The following IARS1 variants were observed in gnomAD, a reference collection of about 807,000 sequenced individuals.
IARS1 encodes the protein isoleucine--tRNA ligase, cytoplasmic.
Under a neutral mutation model 168.2 loss-of-function variants are expected in IARS1, and 124 were observed. That is an observed-to-expected ratio of 0.74 (90% confidence interval 0.64 to 0.86). IARS1 has a LOEUF of 0.86. IARS1 is among the 40% of genes least tolerant of loss of function. The pLI, the probability that IARS1 is intolerant of heterozygous loss-of-function variation, is 0.00. For missense variants in IARS1, 1,452 were observed against 1,515.8 expected, an observed-to-expected ratio of 0.96 and a Z score of 0.70; for synonymous variants, 532 against 529.4, an observed-to-expected ratio of 1.00 and a Z score of -0.07.
At chr9:92,237,318 G>C (rs1827688811) in intron 30 of IARS1, among the ~76,000 whole-genome samples, 1 of 152,020 alleles carries the variant, frequency 6.6e-6, no homozygotes, top group Non-Finnish European at 1.5e-5. Context: ...AAAGCATGTT[G>C]TTTATTTTTA....
chr9:92,288,397 G>A, intron 2 of IARS1, 115 bp from the exon 3 acceptor site: 1 of 830,682 alleles, frequency 1.2e-6, no homozygotes, highest in Non-Finnish European at 2.0e-6. Flanking sequence ...AGCAAGATCA[G>A]GAAACCGACA....
intron 14 of IARS1, among the ~76,000 whole-genome samples, chr9:92,267,459 G>A (rs746078997): frequency 3.3e-5 from 5 of 152,140 alleles, no homozygotes; most frequent in African/African-American, 1.2e-4. Flanking sequence ...GTAAGTCCTC[G>A]CCTGATGTCA....
At chr9:92,215,115 C>T (rs938391516) in intron 33 of IARS1, among the ~76,000 whole-genome samples, 2 of 152,234 alleles carry the variant, frequency 1.3e-5, no homozygotes, top group African/African-American at 4.8e-5. Flanking sequence ...TCCCTGACCC[C>T]TGACCCCCGA....
intron 33 of IARS1, among the ~76,000 whole-genome samples, 197 bp from the exon 34 acceptor site, chr9:92,211,086 T>C (rs1205625031): frequency 6.6e-6 from 1 of 152,220 alleles, no homozygotes; most frequent in African/African-American, 2.4e-5. Context: ...ATGGTGGGTA[T>C]GTTCACCAAA....
chr9:92,285,671 G>C (rs1386317977), intron 6 of IARS1, 51 bp downstream of exon 6: 11 of 1,141,022 alleles, frequency 9.6e-6, no homozygotes, highest in African/African-American at 1.5e-5. Context: ...TAACTACTCA[G>C]CTTCCACCTA....
Position 92,242,150 on chromosome 9 carries a change from T to C in IARS1, c.3177+4A>G, listed in dbSNP as rs1246447452. ...GTAGTAGTTCAGTGGAACTCAGGAC[T>C]CACCTGTGTTTTTTCTTGAATAAGG... On this transcript the variant is annotated splice_donor_region_variant and intron_variant, in intron 29 of 33. Transcript: ENST00000443024. 1 of 1,610,348 alleles carries C rather than the reference T, an allele frequency of 6.2e-7. No individual in the cohort carries two copies. The highest frequency in any genetic ancestry group is 1.7e-5 in the Admixed American group (1 of 59,892).
chr9:92,243,246 G>A lies in IARS1; in HGVS notation c.2970C>T (p.Val990=). The A allele has an allele frequency of 1.2e-6, 2 of 1,613,568 alleles. No individual in the cohort carries two copies. The highest frequency in any genetic ancestry group is 1.1e-5 in the South Asian group (1 of 91,018). Residue 990 remains valine (V), a synonymous_variant, in exon 28 of 34, where the codon GTC becomes GTT. Transcript: ENST00000443024. ...SMVDEGMARE[V]INRIQKLRKK... ...TGCGAAGTTTCTGTATGCGATTGAT[G>A]ACTTCCCGAGCCATTCCTTCATCTA...
rs188479185 is a variant in IARS1 at position 92,255,737 on chromosome 9, C to T, written c.2137+943G>A. ...TTATGTAAATCGTCTCTACTTAAGCCTTACAAACACTACTGGGCATTCTGC... is the reference window on the plus strand; with the variant it reads ...TTATGTAAATCGTCTCTACTTAAGCTTTACAAACACTACTGGGCATTCTGC... On this transcript the variant is annotated intron_variant, in intron 20 of 33. Coordinates refer to ENST00000443024, the MANE Select transcript of IARS1 (RefSeq NM_002161.6). 3.4e-3 allele frequency among the ~76,000 whole-genome samples: 511 copies of T among 152,222 alleles called. 2 individuals are homozygous for T. The highest frequency in any genetic ancestry group is 5.1e-3 in the Non-Finnish European group (347 of 68,012).
At chr9:92,240,557 G>GC in intron 30 of IARS1, 2 of 639,604 alleles carry the variant, frequency 3.1e-6, no homozygotes. Context: ...ACCATGCCTG[G>GC]CCCTTTTTTT....
chr9:92,290,179 A>G (rs985353841), intron 1 of IARS1, among the ~76,000 whole-genome samples: 13 of 152,186 alleles, frequency 8.5e-5, no homozygotes, highest in Admixed American at 6.5e-5. Flanking sequence ...CTCAGCAGTG[A>G]ATGAGGATTC....
At chr9:92,250,690 G>A (rs766525613) in intron 23 of IARS1, 23 bp downstream of exon 23, 1 of 1,581,276 alleles carries the variant, frequency 6.3e-7, no homozygotes, top group Non-Finnish European at 8.6e-7. Flanking sequence ...CACAGGTGAG[G>A]CTTATTTCTA....
chr9:92,273,385 T>C lies in IARS1; in HGVS notation c.990+1041A>G, dbSNP rs537550543. Among the ~76,000 whole-genome samples, 39 of 152,254 alleles carry C rather than the reference T, an allele frequency of 2.6e-4. No individual in the cohort carries two copies. The South Asian group carries it at 7.9e-3, about 31-fold the overall frequency. On this transcript the variant is annotated intron_variant, in intron 10 of 33. Transcript: ENST00000443024. The stretch of plus-strand genomic sequence containing the variant: ...TTTATACTGAAAATAAAAGTCCTTA[T>C]CAGTCAGAGATGCAGCTAGAATTAC...
chr9:92,270,260 C>A (rs893065867), intron 12 of IARS1, among the ~76,000 whole-genome samples: 12 of 152,194 alleles, frequency 7.9e-5, no homozygotes, highest in Non-Finnish European at 1.0e-4. Flanking sequence ...AACTTCAACA[C>A]AGAAGAGGCA....
At chr9:92,284,630 C>T (rs978529740) in intron 6 of IARS1, among the ~76,000 whole-genome samples, 14 of 152,194 alleles carry the variant, frequency 9.2e-5, no homozygotes, top group South Asian at 4.1e-4. Flanking sequence ...ACTAAAAATG[C>T]GTGGTGGTGG....
chr9:92,281,134 A>T (rs1207311775), intron 6 of IARS1, among the ~76,000 whole-genome samples: 1 of 146,874 alleles, frequency 6.8e-6, no homozygotes, highest in Non-Finnish European at 1.5e-5. Flanking sequence ...ACACCTGGTG[A>T]CTTTTTTTTT....
In IARS1 at chr9:92,269,997, A is replaced by AAC; in HGVS notation, c.1206-16_1206-15dup. 6.4e-7 allele frequency: 1 copy of AAC among 1,561,504 alleles called. No homozygotes were observed. Among genetic ancestry groups the AAC allele is most frequent in the East Asian group, 2.2e-5 (1 of 44,602 alleles). On this transcript the variant is annotated splice_polypyrimidine_tract_variant and intron_variant, in intron 12 of 33. Coordinates refer to ENST00000443024, the MANE Select transcript of IARS1 (RefSeq NM_002161.6). ...GGAGTGTCTGATCTGGGGAAGCAGA[A>AAC]ACACACACATAGCTGCTCAGGCTGA...
rs75414822 is a variant in IARS1 at position 92,228,162 on chromosome 9, T to A, written c.3409+839A>T. ...CAGCCCGATGGCCACCTTCTTATAA[T>A]GACAACAGTCATACTGGATTAGGGG... On this transcript the variant is annotated intron_variant, in intron 31 of 33. Transcript: ENST00000443024. 5.5e-3 allele frequency among the ~76,000 whole-genome samples: 832 copies of A among 152,208 alleles called. 7 individuals are homozygous for A. Among genetic ancestry groups the A allele is most frequent in the African/African-American group, 0.019 (774 of 41,532 alleles).
chr9:92,263,033 C>G lies in IARS1; in HGVS notation c.1723G>C (p.Ala575Pro). 1.9e-6 allele frequency: 3 copies of G among 1,613,788 alleles called. No individual in the cohort carries two copies. The highest frequency in any genetic ancestry group is 2.5e-6 in the Non-Finnish European group (3 of 1,179,790). Reference sequence around the variant, plus strand: ...GGCGGTTGTCCAAAGAGGGCCGTGGCCAGCACCAGCAGGGTATAAAACCTG... The same window carrying G: ...GGCGGTTGTCCAAAGAGGGCCGTGGGCAGCACCAGCAGGGTATAAAACCTG... ...RGWFYTLLVL[A>P]TALFGQPPFK... Residue 575 changes from alanine (A) to proline (P), a missense_variant, in exon 17 of 34, where the codon GCC becomes CCC. Transcript: ENST00000443024.
intron 30 of IARS1, among the ~76,000 whole-genome samples, chr9:92,238,353 C>CA (rs1305358207): frequency 6.6e-6 from 1 of 152,206 alleles, no homozygotes; most frequent in Non-Finnish European, 1.5e-5. Flanking sequence ...GCCGATCCCT[C>CA]ATGAATGGCT....
Sources: gnomAD v4.1 joint callset for allele counts (sites outside exome capture counted in the v4.1 genomes callset) on GRCh38, gnomAD v4.1.1 for gene constraint, MANE v1.5 for transcripts, NCBI Gene and HGNC (gene_info 2026-07-23, HGNC 2026-07-21) for gene names.